Variants in AMMECR1 observed in about 807,000 individuals in gnomAD.
AMMECR1 encodes nuclear protein AMMECR1.
AMMECR1 carries 3 observed loss-of-function variants against 22.5 expected under a neutral mutation model. The ratio of observed to expected loss-of-function variants is 0.13; its 90% confidence interval spans 0.06 to 0.35. The LOEUF (loss-of-function observed/expected upper bound fraction) is 0.35. AMMECR1 is among the 10% of genes least tolerant of loss of function. The pLI, the probability that AMMECR1 is intolerant of heterozygous loss-of-function variation, is 1.00. For synonymous variants in AMMECR1, 130 were observed against 116.7 expected (o/e 1.11, Z -0.74); for missense variants, 235 against 278.7 (o/e 0.84, Z 1.12).
In AMMECR1 at chrX:110,419,519, T is replaced by C. The variant is rs758350382; in HGVS notation, c.-148+7139A>G. 5.3e-5 allele frequency among the ~76,000 whole-genome samples: 6 copies of C among 112,941 alleles called. No individual in the cohort carries two copies. In the East Asian group the frequency reaches 1.7e-3, roughly 31 times the overall value. ...TCTATTTATATTTGTCTATTTATGG[T>C]ATGTCTCTCCCACTGGAATGTAAGC... On this transcript the variant is annotated intron_variant, in intron 2 of 7. Coordinates refer to the AMMECR1 transcript ENST00000372057.
In AMMECR1 at chrX:110,236,588, G is replaced by A. The variant is rs903232711; in HGVS notation, c.585-19956C>T. The stretch of plus-strand genomic sequence containing the variant: ...TTAGCTCTATGAGTATGGTGACTGT[G>A]CTCATTTTTACTCACCATTATATAC... On this transcript the variant is annotated intron_variant, in intron 2 of 5. Transcript: ENST00000262844. Among the ~76,000 whole-genome samples the A allele has an allele frequency of 8.9e-5, 10 of 112,027 alleles. No individual in the cohort carries two copies. The East Asian group carries it at 1.4e-3, about 16-fold the overall frequency.
chrX:110,318,194 G>C (rs1349086923), upstream of AMMECR1: 1 of 486,416 alleles, frequency 2.1e-6, no homozygotes, highest in Non-Finnish European at 2.6e-6. Context: ...GCGCGCGCGC[G>C]CCGCTCCCGG....
rs753217808 is a variant in AMMECR1, at chrX:110,361,628, A to C, written c.-147-43779T>G. On this transcript the variant is annotated intron_variant, in intron 2 of 7. Transcript: ENST00000372057. The stretch of plus-strand genomic sequence containing the variant: ...CTTCAGGTGATGGATCAAATATCCC[A>C]CTTGGTAAAATCTTCTCTGATTACC... Among the ~76,000 whole-genome samples the C allele has an allele frequency of 6.2e-5, 7 of 112,017 alleles. No individual in the cohort carries two copies. The South Asian group carries it at 2.6e-3, about 42-fold the overall frequency.
chrX:110,402,337 G>T (rs938993028), intron 2 of AMMECR1, among the ~76,000 whole-genome samples: 1 of 113,081 alleles, frequency 8.8e-6, no homozygotes, highest in Non-Finnish European at 1.9e-5. Context: ...CAATTCCTTT[G>T]AGTCAAATTG....
intron 2 of AMMECR1, among the ~76,000 whole-genome samples, chrX:110,366,373 G>A (rs1319547971): frequency 9.0e-6 from 1 of 111,404 alleles, no homozygotes; most frequent in Non-Finnish European, 1.9e-5. Context: ...AAACTAATGG[G>A]GTATACCGGA....
intron 2 of AMMECR1, among the ~76,000 whole-genome samples, chrX:110,370,670 T>C (rs1382207722): frequency 8.9e-6 from 1 of 112,573 alleles, no homozygotes; most frequent in Non-Finnish European, 1.9e-5. Context: ...TGTGGGTTTC[T>C]TCCTCAAATG....
intron 2 of AMMECR1, among the ~76,000 whole-genome samples, chrX:110,408,121 G>A (rs73251804): frequency 0.022 from 2,440 of 112,812 alleles, 37 homozygotes; most frequent in Non-Finnish European, 0.032. Flanking sequence ...GAAGCACTTG[G>A]CTTTGGTGAA....
chrX:110,320,838 C>T (rs777034275), upstream of AMMECR1, among the ~76,000 whole-genome samples: 17 of 111,932 alleles, frequency 1.5e-4, no homozygotes, highest in Non-Finnish European at 2.6e-4. Context: ...ATTACCTGAC[C>T]GCTAGGGGTT....
At chrX:110,438,182 A>C (rs2068853001) in intron 1 of AMMECR1, among the ~76,000 whole-genome samples, 1 of 111,099 alleles carries the variant, frequency 9.0e-6, no homozygotes, top group Admixed American at 9.6e-5. Context: ...TTGTCCCTCT[A>C]TCAGAACCTG....
At chrX:110,404,068 T>C (rs764169136) in intron 2 of AMMECR1, among the ~76,000 whole-genome samples, 52 of 112,553 alleles carry the variant, frequency 4.6e-4, no homozygotes, top group Non-Finnish European at 8.3e-4. Context: ...CTTTAGTGAT[T>C]CCGGAGACTT....
At chrX:110,317,361 T>C (rs761394732) in intron 1 of AMMECR1, among the ~76,000 whole-genome samples, 238 of 111,636 alleles carry the variant, frequency 2.1e-3, no homozygotes, top group African/African-American at 6.1e-3. Flanking sequence ...AAGAGAAAGC[T>C]AACACCTCTA....
At chrX:110,362,240 C>T (rs1488678006) in intron 2 of AMMECR1, among the ~76,000 whole-genome samples, 1 of 111,377 alleles carries the variant, frequency 9.0e-6, no homozygotes, top group Non-Finnish European at 1.9e-5. Flanking sequence ...CCTTCTTTTT[C>T]CCCTCATCCC....
At chrX:110,358,354 A>G (rs2068241351) in intron 2 of AMMECR1, among the ~76,000 whole-genome samples, 1 of 111,824 alleles carries the variant, frequency 8.9e-6, no homozygotes, top group Non-Finnish European at 1.9e-5. Flanking sequence ...CTATTAAATT[A>G]CATTCTAGAG....
intron 2 of AMMECR1, 46 bp downstream of exon 2, chrX:110,264,443 T>C (rs769376187): frequency 1.1e-5 from 8 of 746,159 alleles, no homozygotes; most frequent in African/African-American, 2.2e-5. Context: ...TTTCATAAGT[T>C]TTTTTTTTTA....
At chrX:110,397,636 G>A (rs1024574561) in intron 2 of AMMECR1, among the ~76,000 whole-genome samples, 7 of 110,996 alleles carry the variant, frequency 6.3e-5, no homozygotes, top group African/African-American at 1.6e-4. Context: ...AGCAGAGGGG[G>A]AGGGAGAGAA....
chrX:110,379,721 A>C (rs2068405239), intron 2 of AMMECR1, among the ~76,000 whole-genome samples: 2 of 111,995 alleles, frequency 1.8e-5, no homozygotes, highest in Admixed American at 9.4e-5. Flanking sequence ...TGGGGAAGCA[A>C]AAAAATACCA....
At chrX:110,309,240 T>C (rs2068013152) in intron 1 of AMMECR1, 3 of 112,245 alleles carry the variant, frequency 2.7e-5, no homozygotes, top group Admixed American at 9.4e-5. Flanking sequence ...AGAGACTCCA[T>C]TCCATAGGAA....
At chrX:110,212,488 T>A (rs1342709916) in intron 3 of AMMECR1, among the ~76,000 whole-genome samples, 1 of 112,096 alleles carries the variant, frequency 8.9e-6, no homozygotes, top group Non-Finnish European at 1.9e-5. Context: ...AGAAAAGTGC[T>A]ACGTTAGAAG....
chrX:110,270,610 C>A (rs1388531457), intron 1 of AMMECR1, among the ~76,000 whole-genome samples: 2 of 112,214 alleles, frequency 1.8e-5, no homozygotes, highest in Non-Finnish European at 3.8e-5. Flanking sequence ...CCTCTTCCTC[C>A]TGTTTCTCCC....
Sources: gnomAD v4.1 joint callset for allele counts (sites outside exome capture counted in the v4.1 genomes callset) on GRCh38, gnomAD v4.1.1 for gene constraint, MANE v1.5 for transcripts, NCBI Gene and HGNC (gene_info 2026-07-23, HGNC 2026-07-21) for gene names.